Variants in SMC3 observed in about 807,000 individuals in gnomAD.
SMC3 encodes structural maintenance of chromosomes protein 3.
A neutral mutation model predicts 171.8 loss-of-function variants in SMC3; 20 were observed. That is an observed-to-expected ratio of 0.12 (90% confidence interval 0.08 to 0.17). SMC3 has a LOEUF of 0.17. Ranked by LOEUF, SMC3 falls within the 10% of genes least tolerant of loss-of-function variation. SMC3 has a pLI of 1.00. For missense variants in SMC3, 543 were observed against 1,420.4 expected (o/e 0.38, Z 9.93); for synonymous variants, 464 against 451.1 (o/e 1.03, Z -0.36).
intron 19 of SMC3, among the ~76,000 whole-genome samples, 188 bp downstream of exon 19, chr10:110,596,738 C>A (rs1238923113): frequency 6.6e-6 from 1 of 151,960 alleles, no homozygotes; most frequent in African/African-American, 2.4e-5. Context: ...TGTTAAGTAG[C>A]TAATACCATG....
At chr10:110,584,093 T>A in intron 12 of SMC3, 90 bp from the exon 13 acceptor site, 1 of 1,523,354 alleles carries the variant, frequency 6.6e-7, no homozygotes, top group Non-Finnish European at 9.1e-7. Flanking sequence ...AAAAATGGCT[T>A]TATGTTTCTG....
Position 110,604,592 on chromosome 10 carries a change from A to AC in SMC3, c.*292dup, listed in dbSNP as rs1031946546. 1.1e-5 allele frequency: 4 copies of AC among 349,418 alleles called. No homozygotes were observed. The highest frequency in any genetic ancestry group is 4.3e-5 in the African/African-American group (2 of 47,040). 21.6% of individuals were successfully genotyped at this position (349,418 alleles called of 1,614,324 possible). A position where few individuals can be genotyped will look rare whatever the true frequency, so the allele number is the denominator to read the frequency against. ...TCCTAATTATTTTATCACTTATACT[A>AC]CCTTTTTTATAGCTTCAATTAAATA... is the stretch of plus-strand genomic sequence containing the variant. On this transcript the variant is annotated 3_prime_UTR_variant, in exon 29 of 29. Transcript: ENST00000361804.
intron 7 of SMC3, among the ~76,000 whole-genome samples, chr10:110,579,165 A>G (rs928811234): frequency 4.6e-5 from 7 of 152,174 alleles, no homozygotes; most frequent in South Asian, 2.1e-4. Context: ...CCAAACTACA[A>G]ACTTTTTTAG....
Position 110,575,372 on chromosome 10 carries a change from T to C in SMC3, c.167T>C (p.Leu56Pro). The C allele has an allele frequency of 6.2e-7, 1 of 1,613,764 alleles. No individual in the cohort carries two copies. Among genetic ancestry groups the C allele is most frequent in the Non-Finnish European group, 8.5e-7 (1 of 1,179,758 alleles). Reference protein sequence around the residue: ...QFVLSDEFSHLRPEQRLALLH... With the variant: ...QFVLSDEFSHPRPEQRLALLH... ...GTTCTCAGTGATGAGTTTAGTCATC[T>C]TCGTCCAGAACAGCGGTTGGCTTTA... The change falls in exon 4 of 29, where the codon CTT becomes CCT. Residue 56 changes from leucine (L) to proline (P), a missense_variant. This residue lies in a region of SMC3 where 146 missense variants were observed against 437.9 expected (regional missense o/e 0.33). Transcript: ENST00000361804.
At chr10:110,577,784 G>C (rs1450401254) in intron 5 of SMC3, 51 bp from the exon 6 acceptor site, 1 of 1,297,880 alleles carries the variant, frequency 7.7e-7, no homozygotes, top group Admixed American at 1.8e-5. Context: ...TATTTAAAAA[G>C]TTTTCTCCTT....
At chr10:110,600,411 T>C (rs1428287999) in intron 21 of SMC3, 28 bp from the exon 22 acceptor site, 11 of 1,114,784 alleles carry the variant, frequency 9.9e-6, no homozygotes, top group Non-Finnish European at 1.5e-5. Flanking sequence ...TGTACATGCT[T>C]ATATAGACAA....
Position 110,577,896 on chromosome 10 carries a change from T to C in SMC3, c.332T>C (p.Leu111Ser). 6.2e-7 allele frequency: 1 copy of C among 1,611,500 alleles called. No individual in the cohort carries two copies. The highest frequency in any genetic ancestry group is 8.5e-7 in the Non-Finnish European group (1 of 1,177,672). Residue 111 changes from leucine (L) to serine (S), a missense_variant, in exon 6 of 29, where the codon TTA becomes TCA. Leu to Ser is a moderately radical substitution (Grantham distance 145). Transcript: ENST00000361804. ...GGTGCCAAAAAGGATCAGTATTTCT[T>C]AGACAAGAAGATGGTCACGTAAGCA... is the stretch of plus-strand genomic sequence containing the variant. Reference protein sequence around the residue: ...VIGAKKDQYFLDKKMVTKNDV... With the variant: ...VIGAKKDQYFSDKKMVTKNDV...
chr10:110,570,758 T>C (rs987535863), intron 2 of SMC3, among the ~76,000 whole-genome samples: 3 of 152,362 alleles, frequency 2.0e-5, no homozygotes, highest in South Asian at 4.1e-4. Context: ...GTGTTACCTC[T>C]GTGATTGCAG....
intron 7 of SMC3, 58 bp downstream of exon 7, chr10:110,578,764 G>A: frequency 7.5e-7 from 1 of 1,340,108 alleles, no homozygotes; most frequent in Non-Finnish European, 1.1e-6. Context: ...ATTCTTGAGT[G>A]ATGAATTTGG....
At chr10:110,575,448 TAAAAA>T (rs1321916053) in intron 4 of SMC3, 45 bp downstream of exon 4, 1 of 1,363,664 alleles carries the variant, frequency 7.3e-7, no homozygotes, top group Admixed American at 1.7e-5. Flanking sequence ...ACATATATTT[TAAAAA>T]TAAATTTTCC....
chr10:110,594,071 G>A (rs1433139187), intron 18 of SMC3, among the ~76,000 whole-genome samples: 1 of 143,372 alleles, frequency 7.0e-6, no homozygotes, highest in Non-Finnish European at 1.5e-5. Flanking sequence ...GACAGGGTTC[G>A]TACTTGATAT....
intron 4 of SMC3, among the ~76,000 whole-genome samples, chr10:110,576,031 G>C (rs973277691): frequency 2.0e-5 from 3 of 152,160 alleles, no homozygotes; most frequent in African/African-American, 7.2e-5. Flanking sequence ...AAAAACAGTA[G>C]AGATGTTCTG....
chr10:110,601,983 G>A lies in SMC3; in HGVS notation c.2910G>A (p.Glu970=). The A allele has an allele frequency of 6.2e-7, 1 of 1,613,284 alleles. No individual in the cohort carries two copies. Among genetic ancestry groups the A allele is most frequent in the South Asian group, 1.1e-5 (1 of 91,004 alleles). The change falls in exon 25 of 29, where the codon GAG becomes GAA. Residue 970 remains glutamate (E), a synonymous_variant. Coordinates refer to ENST00000361804, the MANE Select transcript of SMC3 (RefSeq NM_005445.4). ...CTTTATAGTTGTTTCGAAAACTTGA[G>A]CAGTGCAACACAGAATTAAAGAAGT... ...LSLKQLFRKL[E]QCNTELKKYS... is the part of the protein sequence containing the mutation.
intron 19 of SMC3, among the ~76,000 whole-genome samples, chr10:110,597,899 T>C (rs942184921): frequency 1.3e-5 from 2 of 152,254 alleles, no homozygotes; most frequent in African/African-American, 4.8e-5. Flanking sequence ...TGTATAACTT[T>C]TAGTAAAACA....
chr10:110,580,014 C>T (rs1462970377), intron 7 of SMC3, among the ~76,000 whole-genome samples: 1 of 151,854 alleles, frequency 6.6e-6, no homozygotes, highest in Non-Finnish European at 1.5e-5. Context: ...CAAGTTCAGC[C>T]AACCATGGAT....
intron 23 of SMC3, 144 bp from the exon 24 acceptor site, chr10:110,601,493 A>G: frequency 1.2e-6 from 1 of 818,590 alleles, no homozygotes; most frequent in South Asian, 1.6e-5. Context: ...GTACTGACTT[A>G]ACATGGTTCA....
At chr10:110,592,281 T>TC (rs978918882) in intron 17 of SMC3, among the ~76,000 whole-genome samples, 2 of 142,898 alleles carry the variant, frequency 1.4e-5, no homozygotes, top group African/African-American at 5.1e-5. Flanking sequence ...AAAAAAAATT[T>TC]TATAGAACTG....
intron 2 of SMC3, among the ~76,000 whole-genome samples, chr10:110,570,426 C>T (rs1349168182): frequency 8.9e-5 from 1 of 11,242 alleles, no homozygotes; most frequent in African/African-American, 1.5e-4. Flanking sequence ...ATAAAGAAGG[C>T]ATACTTTTTT....
At chr10:110,571,633 C>T (rs937353450) in intron 2 of SMC3, among the ~76,000 whole-genome samples, 1 of 152,168 alleles carries the variant, frequency 6.6e-6, no homozygotes, top group Non-Finnish European at 1.5e-5. Flanking sequence ...CTTGAATCTA[C>T]CAGAGGTATT....
Sources: gnomAD v4.1 joint callset for allele counts (sites outside exome capture counted in the v4.1 genomes callset) on GRCh38, gnomAD v4.1.1 for gene constraint, gnomAD v4.1.1 regional missense constraint, MANE v1.5 for transcripts, NCBI Gene and HGNC (gene_info 2026-07-23, HGNC 2026-07-21) for gene names.